SDK2: variants seen among roughly 807,000 people sequenced by gnomAD.
SDK2 encodes protein sidekick-2.
In SDK2, 105 loss-of-function variants were observed where a neutral mutation model predicts 253.9. The ratio of observed to expected loss-of-function variants is 0.41; its 90% CI spans 0.35 to 0.49. The LOEUF (loss-of-function observed/expected upper bound fraction) is 0.49. Ranked by LOEUF, SDK2 falls within the 20% of genes least tolerant of loss-of-function variation. The probability of loss-of-function intolerance (pLI) is 0.06; values close to 1 mark genes in which losing one functional copy is unlikely to be tolerated. For missense variants in SDK2, 2,608 were observed against 3,003.0 expected, an observed-to-expected ratio of 0.87 and a Z score of 3.07; for synonymous variants, 1,249 against 1,234.9, an observed-to-expected ratio of 1.01 and a Z score of -0.24.
chr17:73,407,922 A>G (rs1317087585), intron 18 of SDK2, among the ~76,000 whole-genome samples: 1 of 152,198 alleles, frequency 6.6e-6, no homozygotes, highest in Non-Finnish European at 1.5e-5. Context: ...TCCCCATATT[A>G]TAACCCTTAT....
At chr17:73,433,606 G>A (rs891955707) in intron 10 of SDK2, 126 bp downstream of exon 10, 13 of 698,576 alleles carry the variant, frequency 1.9e-5, no homozygotes, top group Middle Eastern at 4.7e-4. Context: ...GCTCTCTTGG[G>A]TTGTACAGTG....
At chr17:73,439,921 G>A (rs2063400931) in intron 6 of SDK2, among the ~76,000 whole-genome samples, 1 of 152,122 alleles carries the variant, frequency 6.6e-6, no homozygotes, top group African/African-American at 2.4e-5. Flanking sequence ...ACATTGTTTT[G>A]GGAGGAAAGA....
intron 2 of SDK2, among the ~76,000 whole-genome samples, chr17:73,487,002 C>T (rs944779355): frequency 6.6e-5 from 10 of 152,172 alleles, no homozygotes; most frequent in South Asian, 2.1e-4. Context: ...GGCGCAATCT[C>T]GGCTCACTGC....
intron 1 of SDK2, among the ~76,000 whole-genome samples, chr17:73,620,987 T>C (rs1870352247): frequency 1.3e-5 from 2 of 152,242 alleles, no homozygotes; most frequent in South Asian, 2.1e-4. Flanking sequence ...TTATTCATTT[T>C]ATAATGGTTA....
At chr17:73,391,142 T>A (rs2145497813) in intron 28 of SDK2, among the ~76,000 whole-genome samples, 1 of 152,328 alleles carries the variant, frequency 6.6e-6, no homozygotes, top group Non-Finnish European at 1.5e-5. Context: ...TTGGCCATGC[T>A]AAGGAACAGC....
intron 10 of SDK2, among the ~76,000 whole-genome samples, chr17:73,432,450 G>A (rs2063333014): frequency 6.6e-6 from 1 of 152,082 alleles, no homozygotes; most frequent in Non-Finnish European, 1.5e-5. Context: ...TGTGCTGGGT[G>A]GATGTGTTTA....
chr17:73,584,395 AG>A (rs1353196918), intron 1 of SDK2, among the ~76,000 whole-genome samples: 1 of 152,140 alleles, frequency 6.6e-6, no homozygotes, highest in African/African-American at 2.4e-5. Flanking sequence ...GGGCTGGGTG[AG>A]GGTCACCCTC....
Position 73,541,068 on chromosome 17 carries a change from G to A in SDK2, c.65-33471C>T, listed in dbSNP as rs899842257. On this transcript the variant is annotated intron_variant, in intron 1 of 44. Transcript: ENST00000392650. The surrounding 1 kb of genome is among the most constrained non-coding windows in gnomAD (Gnocchi z 4.3). ...TAAGCTGCTAGGCCCCCTGAGAGTA[G>A]GTGTCTGCCAGTGTCTGCCCAGCCC... is the stretch of plus-strand genomic sequence containing the variant. Among the ~76,000 whole-genome samples, 8 of 152,202 alleles carry A rather than the reference G, an allele frequency of 5.3e-5. No individual in the cohort carries two copies. Among genetic ancestry groups the A allele is most frequent in the African/African-American group, 1.9e-4 (8 of 41,450 alleles).
chr17:73,594,595 A>AACAC (rs3070639), intron 1 of SDK2, among the ~76,000 whole-genome samples: 1,881 of 151,472 alleles, frequency 0.012, 30 homozygotes, highest in African/African-American at 0.043. Context: ...TGGGACAATG[A>AACAC]ACACACACAC....
chr17:73,499,365 A>G (rs2063867777), intron 2 of SDK2, among the ~76,000 whole-genome samples: 1 of 152,228 alleles, frequency 6.6e-6, no homozygotes, highest in Non-Finnish European at 1.5e-5. Context: ...CAGACACCAC[A>G]GCTCTGCCAC....
rs1197440120 is a variant in SDK2, at chr17:73,616,833, A to AG, written c.64+27191dup. Among the ~76,000 whole-genome samples the AG allele has an allele frequency of 1.3e-5, 2 of 152,134 alleles. No individual in the cohort carries two copies. Among genetic ancestry groups the AG allele is most frequent in the Non-Finnish European group, 2.9e-5 (2 of 68,020 alleles). ...ATGCCTGGGGAAGGGGTCAGATTCC[A>AG]GGGCTCAGGGACACAGAAGCCCCTT... On this transcript the variant is annotated intron_variant, in intron 1 of 44. Transcript: ENST00000392650. This position sits in a 1 kb window ranked among gnomAD's most constrained non-coding sequence, Gnocchi z 5.2.
chr17:73,344,913 C>CT (rs2062469683), intron 44 of SDK2, among the ~76,000 whole-genome samples: 1 of 152,250 alleles, frequency 6.6e-6, no homozygotes, highest in South Asian at 2.1e-4. Flanking sequence ...GCTGTTCACA[C>CT]TTTGAGGCCC....
intron 21 of SDK2, 24 bp from the exon 22 acceptor site, chr17:73,399,313 G>A (rs1278311595): frequency 6.2e-7 from 1 of 1,613,268 alleles, no homozygotes; most frequent in East Asian, 2.2e-5. Context: ...ACAGGGTGGG[G>A]AAGGAGATCC....
rs1026352563 is a variant in SDK2, at chr17:73,398,069, G to A, written c.3320C>T (p.Thr1107Ile). Residue 1107 changes from threonine to isoleucine, a missense_variant, in exon 24 of 45, where the codon ACA becomes ATA. Thr to Ile is a moderately conservative substitution (Grantham distance 89). Coordinates refer to ENST00000392650, the MANE Select transcript of SDK2 (RefSeq NM_001144952.2). ...CAGCCACAGGCTGGTCTCACTGGCT[G>A]TGCGCAGAGACACATTGGCTGGGGC... ...DMAPANVSLR[T>I]ASETSLWLRW... 1.2e-6 allele frequency: 2 copies of A among 1,613,086 alleles called. No homozygotes were observed. Among genetic ancestry groups the A allele is most frequent in the African/African-American group, 2.7e-5 (2 of 74,942 alleles).
chr17:73,492,917 C>T (rs1015000555), intron 2 of SDK2, among the ~76,000 whole-genome samples: 1 of 152,172 alleles, frequency 6.6e-6, no homozygotes, highest in African/African-American at 2.4e-5. Flanking sequence ...CCTGCCTGAG[C>T]GCATAACTGA....
Position 73,401,249 on chromosome 17 carries a change from G to A in SDK2, c.2780-38C>T, listed in dbSNP as rs577732899. 9.7e-5 allele frequency: 146 copies of A among 1,511,920 alleles called. No homozygotes were observed. The Middle Eastern group carries it at 1.2e-3, about 13-fold the overall frequency. 93.7% of individuals were successfully genotyped at this position (1,511,920 alleles called of 1,614,324 possible). A position where few individuals can be genotyped will look rare whatever the true frequency, so the allele number is the denominator to read the frequency against. ...GCCGTGTTGGCATGAGCTTGGCTGT[G>A]ATCACAAGTTGGCCTGACCCACTAC... On this transcript the variant is annotated intron_variant, in intron 20 of 44. Transcript: ENST00000392650.
chr17:73,483,678 TA>T (rs1567799276), intron 2 of SDK2, among the ~76,000 whole-genome samples: 2,053 of 69,228 alleles, frequency 0.03, 153 homozygotes, highest in Admixed American at 0.062. Context: ...TATATATATA[TA>T]TATTTATATA....
intron 28 of SDK2, among the ~76,000 whole-genome samples, chr17:73,391,197 A>C (rs1341114524): frequency 2.6e-5 from 4 of 152,168 alleles, no homozygotes; most frequent in African/African-American, 7.2e-5. Flanking sequence ...GCCTGGGGAC[A>C]TTTGGGGACG....
At chr17:73,413,496 C>T (rs1346847583) in intron 18 of SDK2, among the ~76,000 whole-genome samples, 1 of 152,144 alleles carries the variant, frequency 6.6e-6, no homozygotes, top group Non-Finnish European at 1.5e-5. Context: ...AAATTGTCTT[C>T]CATGAAACTG....
Sources: allele counts gnomAD v4.1 joint callset (sites outside exome capture counted in the v4.1 genomes callset), GRCh38; gene constraint gnomAD v4.1.1; non-coding constraint Gnocchi (gnomAD v3.1); transcripts MANE v1.5; gene names NCBI Gene and HGNC (gene_info 2026-07-23, HGNC 2026-07-21).